Variants in MMP16 observed in about 807,000 individuals in gnomAD.
MMP16 encodes matrix metalloproteinase-16.
In MMP16, 12 loss-of-function variants were observed where a neutral mutation model predicts 67.8. The observed-to-expected ratio is 0.18, with a 90% confidence interval of 0.11 to 0.29. MMP16 has a LOEUF of 0.29. MMP16 is among the 10% of genes least tolerant of loss of function. MMP16 has a pLI of 1.00. For missense variants in MMP16, 475 were observed against 765.7 expected (o/e 0.62, Z 4.48); for synonymous variants, 249 against 255.9 (o/e 0.97, Z 0.26).
intron 1 of MMP16, among the ~76,000 whole-genome samples, chr8:88,211,364 TGG>T (rs1809510273): frequency 6.6e-6 from 1 of 152,184 alleles, no homozygotes; most frequent in South Asian, 2.1e-4. Context: ...ATTTAATTTT[TGG>T]TGCATACAGA....
At chr8:88,174,019 G>C (rs1035491198) in intron 3 of MMP16, among the ~76,000 whole-genome samples, 1 of 152,060 alleles carries the variant, frequency 6.6e-6, no homozygotes, top group African/African-American at 2.4e-5. Flanking sequence ...GGTTTAGAGA[G>C]AATAATGAAA....
chr8:88,126,363 A>C (rs745592315), intron 4 of MMP16, among the ~76,000 whole-genome samples: 39 of 151,828 alleles, frequency 2.6e-4, no homozygotes, highest in Non-Finnish European at 4.7e-4. Context: ...TCTTCCCCAA[A>C]ACATGAATGC....
At chr8:88,241,816 T>A (rs34725691) in intron 1 of MMP16, among the ~76,000 whole-genome samples, 93,158 of 151,912 alleles carry the variant, frequency 0.61, 31,397 homozygotes, top group East Asian at 0.9. Context: ...ATTCATTACT[T>A]CAAACATTTA....
At chr8:88,053,570 G>A (rs1408462529) in intron 8 of MMP16, among the ~76,000 whole-genome samples, 1 of 152,006 alleles carries the variant, frequency 6.6e-6, no homozygotes, top group Non-Finnish European at 1.5e-5. Flanking sequence ...TTTTTTATAA[G>A]CAGAAAAATG....
intron 1 of MMP16, among the ~76,000 whole-genome samples, chr8:88,224,084 G>A (rs1449706183): frequency 2.6e-5 from 4 of 151,930 alleles, no homozygotes; most frequent in Non-Finnish European, 4.4e-5. Context: ...AGGGGCCTCT[G>A]GCGGACTGTG....
chr8:88,285,305 A>T (rs962162484), intron 1 of MMP16, among the ~76,000 whole-genome samples: 2 of 151,894 alleles, frequency 1.3e-5, no homozygotes, highest in Non-Finnish European at 2.9e-5. Context: ...ACGCCCAGCT[A>T]ATTTTTATAT....
chr8:88,265,271 C>T (rs1319693638), intron 1 of MMP16, among the ~76,000 whole-genome samples: 3 of 123,154 alleles, frequency 2.4e-5, no homozygotes, highest in Non-Finnish European at 4.8e-5. Flanking sequence ...CTAGGGAGGT[C>T]AAGTTCACAA....
intron 4 of MMP16, among the ~76,000 whole-genome samples, chr8:88,153,034 A>G (rs1326909760): frequency 4.3e-3 from 515 of 120,614 alleles, no homozygotes; most frequent in African/African-American, 0.015. Context: ...ATACAAAATC[A>G]ATGTACAAAA....
chr8:88,285,109 AAC>A (rs373297904), intron 1 of MMP16, among the ~76,000 whole-genome samples: 7 of 152,010 alleles, frequency 4.6e-5, no homozygotes, highest in African/African-American at 1.7e-4. Context: ...CAGGGACAAG[AAC>A]AGTTTTTTGT....
At chr8:88,208,289 C>T (rs1298732659) in intron 1 of MMP16, among the ~76,000 whole-genome samples, 1 of 152,156 alleles carries the variant, frequency 6.6e-6, no homozygotes, top group South Asian at 2.1e-4. Flanking sequence ...AAAGCTGCTA[C>T]CCCATAAGCC....
intron 1 of MMP16, among the ~76,000 whole-genome samples, chr8:88,291,761 A>T (rs1311476108): frequency 6.6e-6 from 1 of 152,226 alleles, no homozygotes; most frequent in Non-Finnish European, 1.5e-5. Context: ...CTGCAAGTTA[A>T]TATTTAGGGT....
intron 4 of MMP16, among the ~76,000 whole-genome samples, chr8:88,135,567 G>C (rs968443239): frequency 2.6e-5 from 4 of 151,794 alleles, no homozygotes; most frequent in African/African-American, 9.7e-5. Context: ...CAAAATGCCT[G>C]TGTAAGAAAT....
intron 7 of MMP16, among the ~76,000 whole-genome samples, chr8:88,061,924 C>T (rs1244253984): frequency 6.6e-6 from 1 of 150,660 alleles, no homozygotes; most frequent in African/African-American, 2.4e-5. Context: ...GAAAAATGTA[C>T]TTATATTCCC....
At chr8:88,186,305 G>T in intron 3 of MMP16, 171 bp downstream of exon 3, 1 of 713,748 alleles carries the variant, frequency 1.4e-6, no homozygotes, top group Non-Finnish European at 2.2e-6. Flanking sequence ...TACATAGGGT[G>T]TCTAATGAAC....
At chr8:88,104,190 T>C (rs562819885) in intron 6 of MMP16, among the ~76,000 whole-genome samples, 1 of 151,872 alleles carries the variant, frequency 6.6e-6, no homozygotes, top group Admixed American at 6.6e-5. Flanking sequence ...TTTAAAAATC[T>C]ACTCACAGTT....
intron 4 of MMP16, among the ~76,000 whole-genome samples, chr8:88,158,121 A>G (rs373388944): frequency 1.4e-4 from 21 of 151,862 alleles, no homozygotes; most frequent in South Asian, 1.0e-3. Flanking sequence ...GAATAGTGCC[A>G]CAATAAACAT....
intron 1 of MMP16, among the ~76,000 whole-genome samples, chr8:88,309,869 C>A (rs1811269512): frequency 6.6e-6 from 1 of 152,044 alleles, no homozygotes; most frequent in Non-Finnish European, 1.5e-5. Flanking sequence ...ACACTATGAT[C>A]TAATTTTAAT....
intron 1 of MMP16, among the ~76,000 whole-genome samples, chr8:88,294,469 C>T (rs1810979194): frequency 6.7e-6 from 1 of 149,174 alleles, no homozygotes; most frequent in Admixed American, 6.7e-5. Flanking sequence ...TGTCTCTGTA[C>T]ACACATATGT....
rs554370566 is a variant in MMP16 at position 88,222,867 on chromosome 8, C to T, written c.133-25561G>A. Among the ~76,000 whole-genome samples the T allele has an allele frequency of 3.5e-4, 54 of 152,270 alleles. No homozygotes were observed. In the South Asian group the frequency reaches 0.011, roughly 31 times the overall value. ...AATGGGATCTAATTAAACTAAAGAGCTTCTGCACAGCAAAAGAAACTACCA... is the reference window on the plus strand; with the variant it reads ...AATGGGATCTAATTAAACTAAAGAGTTTCTGCACAGCAAAAGAAACTACCA... On this transcript the variant is annotated intron_variant, in intron 1 of 9. Transcript: ENST00000286614.
Sources: gnomAD v4.1 joint callset for allele counts (sites outside exome capture counted in the v4.1 genomes callset) on GRCh38, gnomAD v4.1.1 for gene constraint, MANE v1.5 for transcripts, NCBI Gene and HGNC (gene_info 2026-07-23, HGNC 2026-07-21) for gene names.